The following MTHFD1L variants were observed in gnomAD, a reference collection of about 807,000 sequenced individuals.
MTHFD1L encodes monofunctional C1-tetrahydrofolate synthase, mitochondrial.
MTHFD1L carries 81 observed loss-of-function variants against 119.5 expected under a neutral mutation model. The ratio of observed to expected loss-of-function variants is 0.68; its 90% CI spans 0.57 to 0.82. The LOEUF (loss-of-function observed/expected upper bound fraction) is 0.82. MTHFD1L is among the 40% of genes least tolerant of loss of function. MTHFD1L has a pLI of 0.00. For synonymous variants in MTHFD1L, 430 were observed against 475.2 expected, an observed-to-expected ratio of 0.90 and a Z score of 1.24; for missense variants, 1,125 against 1,253.4, an observed-to-expected ratio of 0.90 and a Z score of 1.55.
At chr6:150,932,462 T>A (rs1156915680) in intron 11 of MTHFD1L, among the ~76,000 whole-genome samples, 1 of 152,024 alleles carries the variant, frequency 6.6e-6, no homozygotes, top group African/African-American at 2.4e-5. Flanking sequence ...CTATGAACTC[T>A]AAGCTCCCAT....
intron 7 of MTHFD1L, chr6:150,899,037 T>G: frequency 2.0e-6 from 2 of 984,948 alleles, no homozygotes; most frequent in South Asian, 4.3e-5. Context: ...CTGTCATGAC[T>G]TTTTTAAGTG....
At chr6:150,866,380 C>G in intron 1 of MTHFD1L, 3 of 1,402,854 alleles carry the variant, frequency 2.1e-6, no homozygotes, top group Non-Finnish European at 9.2e-7. Context: ...CCGGGCGCGA[C>G]CCAGACGGTA....
intron 26 of MTHFD1L, among the ~76,000 whole-genome samples, chr6:151,043,431 AT>A: frequency 6.6e-6 from 1 of 151,490 alleles, no homozygotes; most frequent in Admixed American, 6.6e-5. Flanking sequence ...CATCTGGCTC[AT>A]TTTTTGTATT....
In MTHFD1L at chr6:151,018,496, G is replaced by A. The variant is rs907911286; in HGVS notation, c.2586+2803G>A. Among the ~76,000 whole-genome samples, 6 of 152,132 alleles carry A rather than the reference G, an allele frequency of 3.9e-5. No homozygotes were observed. The East Asian group carries it at 7.7e-4, about 20-fold the overall frequency. On this transcript the variant is annotated intron_variant, in intron 24 of 27. Transcript: ENST00000367321. ...ACATCCCTCTTAGGTGGAAACTGGT[G>A]ATATCTTCCCATTTTACAGACAAGA...
intron 7 of MTHFD1L, among the ~76,000 whole-genome samples, chr6:150,888,733 C>T (rs947660865): frequency 1.3e-5 from 2 of 152,168 alleles, no homozygotes; most frequent in Non-Finnish European, 2.9e-5. Flanking sequence ...AGGTGGGAGA[C>T]ATTCCCAGCC....
chr6:151,049,851 G>T (rs569276642), intron 26 of MTHFD1L, among the ~76,000 whole-genome samples: 3 of 152,232 alleles, frequency 2.0e-5, no homozygotes, highest in Non-Finnish European at 4.4e-5. Flanking sequence ...AATGTTGGGG[G>T]TGTCACGCCT....
chr6:151,066,777 A>AG (rs1562621539), intron 26 of MTHFD1L, among the ~76,000 whole-genome samples: 1 of 151,984 alleles, frequency 6.6e-6, no homozygotes, highest in African/African-American at 2.4e-5. Context: ...AAAAAAAAAA[A>AG]AAAGTGTCCT....
chr6:150,895,338 C>T (rs978860415), intron 7 of MTHFD1L, among the ~76,000 whole-genome samples: 1 of 152,202 alleles, frequency 6.6e-6, no homozygotes, highest in Non-Finnish European at 1.5e-5. Flanking sequence ...GCAGGTACGG[C>T]AGGGCCCTGC....
chr6:150,937,914 T>C (rs1046088296), intron 12 of MTHFD1L, among the ~76,000 whole-genome samples: 1 of 152,204 alleles, frequency 6.6e-6, no homozygotes, highest in African/African-American at 2.4e-5. Flanking sequence ...AACCAACATT[T>C]TGAGGGATAC....
chr6:150,917,804 C>G (rs1788232396), intron 8 of MTHFD1L, among the ~76,000 whole-genome samples: 1 of 152,212 alleles, frequency 6.6e-6, no homozygotes, highest in African/African-American at 2.4e-5. Context: ...TAATGCAAGT[C>G]TGACTCTGAA....
chr6:151,074,197 T>A (rs933224692), intron 26 of MTHFD1L, among the ~76,000 whole-genome samples: 4 of 152,068 alleles, frequency 2.6e-5, no homozygotes, highest in Admixed American at 6.6e-5. Flanking sequence ...GCTGAAAAAA[T>A]TCATCACTAG....
intron 16 of MTHFD1L, among the ~76,000 whole-genome samples, chr6:150,953,002 G>A (rs189470111): frequency 3.6e-4 from 55 of 152,280 alleles, no homozygotes; most frequent in African/African-American, 1.3e-3. Flanking sequence ...GCCTCTGCCT[G>A]TCCGAGCCCC....
chr6:150,984,267 A>G (rs1777944113), intron 20 of MTHFD1L, among the ~76,000 whole-genome samples: 1 of 152,208 alleles, frequency 6.6e-6, no homozygotes, highest in African/African-American at 2.4e-5. Flanking sequence ...ACATAAGGAG[A>G]GAGGAACCTT....
At chr6:150,933,916 C>T (rs1034970838) in intron 11 of MTHFD1L, among the ~76,000 whole-genome samples, 4 of 152,156 alleles carry the variant, frequency 2.6e-5, no homozygotes, top group Admixed American at 6.5e-5. Context: ...TGCACACAGC[C>T]GGGTTCTCTT....
intron 19 of MTHFD1L, among the ~76,000 whole-genome samples, chr6:150,970,448 TC>T (rs1258651773): frequency 2.0e-5 from 3 of 152,224 alleles, no homozygotes; most frequent in African/African-American, 4.8e-5. Flanking sequence ...TACCTAAACT[TC>T]AATAAAATTT....
At chr6:151,089,303 C>A (rs531352911) in intron 26 of MTHFD1L, among the ~76,000 whole-genome samples, 1 of 152,338 alleles carries the variant, frequency 6.6e-6, no homozygotes, top group East Asian at 1.9e-4. Flanking sequence ...ATAGAGGCAT[C>A]TTAAAAAGCC....
chr6:151,098,423 T>C (rs1270121836), intron 27 of MTHFD1L, among the ~76,000 whole-genome samples: 1 of 152,132 alleles, frequency 6.6e-6, no homozygotes, highest in African/African-American at 2.4e-5. Context: ...ACCATTGTGT[T>C]CCGAGAAAAG....
intron 24 of MTHFD1L, among the ~76,000 whole-genome samples, chr6:151,028,990 G>C (rs1784960147): frequency 6.6e-6 from 1 of 152,100 alleles, no homozygotes; most frequent in Admixed American, 6.5e-5. Context: ...AGGATCACTT[G>C]AGCCCAGGAA....
intron 17 of MTHFD1L, among the ~76,000 whole-genome samples, chr6:150,957,732 T>C (rs1408182255): frequency 6.6e-6 from 1 of 152,178 alleles, no homozygotes; most frequent in Non-Finnish European, 1.5e-5. Flanking sequence ...CATACACCAT[T>C]GGAAAGGTTG....
Sources: allele counts gnomAD v4.1 joint callset (sites outside exome capture counted in the v4.1 genomes callset), GRCh38; gene constraint gnomAD v4.1.1; transcripts MANE v1.5; gene names NCBI Gene and HGNC (gene_info 2026-07-23, HGNC 2026-07-21).